Variants in CNTN5 observed in about 807,000 individuals in gnomAD.
The protein encoded by CNTN5 is contactin-5.
CNTN5 carries 77 observed loss-of-function variants against 129.1 expected under a neutral mutation model. The observed-to-expected ratio is 0.60, with a 90% confidence interval of 0.50 to 0.72. The LOEUF (loss-of-function observed/expected upper bound fraction) is 0.72. Ranked by LOEUF, CNTN5 falls within the 30% of genes least tolerant of loss-of-function variation. The pLI is 0.00. For missense variants in CNTN5, 1,478 were observed against 1,328.8 expected (o/e 1.11, Z -1.75); for synonymous variants, 509 against 465.6 (o/e 1.09, Z -1.20).
chr11:99,561,311 G>A (rs192935120), intron 3 of CNTN5, among the ~76,000 whole-genome samples: 37 of 151,752 alleles, frequency 2.4e-4, no homozygotes, highest in Admixed American at 3.3e-4. Context: ...AAGTAAGTAA[G>A]TAAATAAATA....
chr11:99,163,364 C>T (rs1860711223), intron 1 of CNTN5, among the ~76,000 whole-genome samples: 1 of 151,386 alleles, frequency 6.6e-6, no homozygotes, highest in East Asian at 1.9e-4. Flanking sequence ...GAATTAGATA[C>T]TAGTAAATAA....
At chr11:99,061,726 C>T (rs774965113) in intron 1 of CNTN5, among the ~76,000 whole-genome samples, 13 of 151,934 alleles carry the variant, frequency 8.6e-5, no homozygotes, top group Non-Finnish European at 1.8e-4. Context: ...TGCAGTGGCC[C>T]CACGGCTGTT....
intron 1 of CNTN5, among the ~76,000 whole-genome samples, chr11:99,119,840 C>A (rs575243904): frequency 2.6e-5 from 4 of 152,152 alleles, no homozygotes; most frequent in Non-Finnish European, 5.9e-5. Context: ...GAGATGGTAT[C>A]TCATTGTGTT....
chr11:100,161,595 T>A (rs1310206608), intron 13 of CNTN5, among the ~76,000 whole-genome samples: 3 of 151,862 alleles, frequency 2.0e-5, no homozygotes, highest in Non-Finnish European at 2.9e-5. Flanking sequence ...ACATAGACAG[T>A]AGGAAGAAGT....
intron 3 of CNTN5, among the ~76,000 whole-genome samples, chr11:99,787,660 A>C (rs1200209187): frequency 1.3e-5 from 2 of 152,084 alleles, no homozygotes; most frequent in East Asian, 3.9e-4. Flanking sequence ...CAATTATTTC[A>C]AAGAAGAAAA....
intron 13 of CNTN5, among the ~76,000 whole-genome samples, chr11:100,127,575 C>G (rs544039479): frequency 2.0e-5 from 3 of 151,152 alleles, no homozygotes; most frequent in Admixed American, 6.6e-5. Context: ...ACCTGAAATC[C>G]TACCTGGAGT....
At chr11:99,399,331 T>A (rs2136206883) in intron 2 of CNTN5, among the ~76,000 whole-genome samples, 1 of 151,884 alleles carries the variant, frequency 6.6e-6, no homozygotes, top group Non-Finnish European at 1.5e-5. Context: ...AATTCTAAAT[T>A]ATGAGATCCT....
chr11:99,499,145 C>A (rs1039831206), intron 2 of CNTN5, among the ~76,000 whole-genome samples: 5 of 152,124 alleles, frequency 3.3e-5, no homozygotes, highest in Non-Finnish European at 7.4e-5. Context: ...ACTTTGAATT[C>A]TATTCCTACT....
At chr11:100,030,395 T>C (rs1273510302) in intron 9 of CNTN5, among the ~76,000 whole-genome samples, 3 of 152,108 alleles carry the variant, frequency 2.0e-5, no homozygotes, top group African/African-American at 7.2e-5. Flanking sequence ...ATAAATGCAG[T>C]GACTGTAGTA....
intron 7 of CNTN5, among the ~76,000 whole-genome samples, chr11:99,919,676 C>T (rs7928236): frequency 2.0e-5 from 3 of 151,850 alleles, no homozygotes; most frequent in African/African-American, 4.8e-5. Context: ...TATAATTGTG[C>T]CTTCATCACC....
At chr11:99,161,878 G>T (rs1324235178) in intron 1 of CNTN5, among the ~76,000 whole-genome samples, 1 of 151,900 alleles carries the variant, frequency 6.6e-6, no homozygotes, top group Non-Finnish European at 1.5e-5. Context: ...ACCACTGTTG[G>T]GACTGCTATT....
chr11:99,454,237 C>T (rs1209615013), intron 2 of CNTN5, among the ~76,000 whole-genome samples: 1 of 152,072 alleles, frequency 6.6e-6, no homozygotes, highest in African/African-American at 2.4e-5. Flanking sequence ...GAGAAAGATA[C>T]TCAGCTATAA....
intron 3 of CNTN5, among the ~76,000 whole-genome samples, chr11:99,759,072 G>T (rs975855607): frequency 2.0e-5 from 3 of 151,986 alleles, no homozygotes; most frequent in African/African-American, 4.8e-5. Context: ...TATATGCATT[G>T]TCCCATGCAA....
chr11:99,885,499 AAAATTGTAAAT>A (rs1948878524), intron 6 of CNTN5, among the ~76,000 whole-genome samples: 1 of 152,178 alleles, frequency 6.6e-6, no homozygotes, highest in Non-Finnish European at 1.5e-5. Flanking sequence ...TGTTATTTAC[AAAATTGTAAAT>A]AAGCAAAACT....
chr11:99,617,584 C>A (rs891919996), intron 3 of CNTN5, among the ~76,000 whole-genome samples: 5 of 152,056 alleles, frequency 3.3e-5, no homozygotes, highest in African/African-American at 4.8e-5. Context: ...TCCTCAATGA[C>A]AACTTATGAA....
chr11:100,202,842 G>T (rs1471336387), intron 15 of CNTN5, among the ~76,000 whole-genome samples: 1 of 151,858 alleles, frequency 6.6e-6, no homozygotes, highest in African/African-American at 2.4e-5. Context: ...AGCAACACAG[G>T]CCCATTTACG....
At chr11:99,629,076 A>G (rs1951241717) in intron 3 of CNTN5, among the ~76,000 whole-genome samples, 1 of 152,068 alleles carries the variant, frequency 6.6e-6, no homozygotes, top group Non-Finnish European at 1.5e-5. Context: ...ATACTCACAG[A>G]AAAAACAATA....
chr11:99,753,119 C>CTGTTTTTTTTT (rs528319697), intron 3 of CNTN5, among the ~76,000 whole-genome samples: 2 of 93,080 alleles, frequency 2.1e-5, no homozygotes, highest in East Asian at 3.7e-4. Flanking sequence ...GCCATATTTG[C>CTGTTTTTTTTT]TTTTTTTTTT....
At chr11:100,159,906 C>T (rs772626301) in intron 13 of CNTN5, among the ~76,000 whole-genome samples, 1 of 151,782 alleles carries the variant, frequency 6.6e-6, no homozygotes, top group Admixed American at 6.6e-5. Flanking sequence ...GTGAAGTGCA[C>T]TCACTTTATC....
Sources: gnomAD v4.1 joint callset for allele counts (sites outside exome capture counted in the v4.1 genomes callset) on GRCh38, gnomAD v4.1.1 for gene constraint, MANE v1.5 for transcripts, NCBI Gene and HGNC (gene_info 2026-07-23, HGNC 2026-07-21) for gene names.